ADAM9: variants seen among roughly 807,000 people sequenced by gnomAD.
The protein encoded by ADAM9 is disintegrin and metalloproteinase domain-containing protein 9.
In ADAM9, 54 loss-of-function variants were observed where a neutral mutation model predicts 108.1. The observed-to-expected ratio is 0.50, with a 90% CI of 0.40 to 0.63. ADAM9 has a LOEUF of 0.63. ADAM9 is among the 20% of genes least tolerant of loss of function. The pLI is 0.00. For synonymous variants in ADAM9, 316 were observed against 336.0 expected, an observed-to-expected ratio of 0.94 and a Z score of 0.65; for missense variants, 830 against 997.7, an observed-to-expected ratio of 0.83 and a Z score of 2.26.
intron 14 of ADAM9, among the ~76,000 whole-genome samples, chr8:39,058,412 C>A (rs1838194245): frequency 6.6e-6 from 1 of 152,194 alleles, no homozygotes. Context: ...GTGACCCAAA[C>A]TGTCGTTCTT....
intron 1 of ADAM9, among the ~76,000 whole-genome samples, chr8:39,002,922 C>A (rs1415504333): frequency 6.6e-6 from 1 of 151,976 alleles, no homozygotes; most frequent in Non-Finnish European, 1.5e-5. Context: ...ACTGCAACCT[C>A]CCCCTCCTGG....
rs892014529 is a variant in ADAM9 at position 39,008,554 on chromosome 8, G to C, written c.195+571G>C. Among the ~76,000 whole-genome samples, 4 of 152,130 alleles carry C rather than the reference G, an allele frequency of 2.6e-5. No individual in the cohort carries two copies. The East Asian group carries it at 7.7e-4, about 29-fold the overall frequency. ...ATAGTTAAACAAAATTGTATCACTA[G>C]GGTAGGCTGCTGATTATATACATTT... On this transcript the variant is annotated intron_variant, in intron 2 of 21. Coordinates refer to ENST00000487273, the MANE Select transcript of ADAM9 (RefSeq NM_003816.3).
At chr8:39,013,388 T>TC (rs945064536) in intron 3 of ADAM9, among the ~76,000 whole-genome samples, 1 of 151,822 alleles carries the variant, frequency 6.6e-6, no homozygotes, top group African/African-American at 2.4e-5. Context: ...CTTAAATTTT[T>TC]TGGAACTAGC....
At chr8:39,057,670 G>C (rs904524151) in intron 14 of ADAM9, among the ~76,000 whole-genome samples, 3 of 152,008 alleles carry the variant, frequency 2.0e-5, no homozygotes, top group African/African-American at 7.3e-5. Flanking sequence ...TCATTCCAAA[G>C]GCCTTCAGGA....
chr8:39,065,301 T>A (rs903231088), intron 14 of ADAM9, among the ~76,000 whole-genome samples: 3 of 151,978 alleles, frequency 2.0e-5, no homozygotes, highest in African/African-American at 7.3e-5. Flanking sequence ...GCACTATGAT[T>A]TTAGTTTTCA....
In ADAM9 at chr8:39,045,439, C is replaced by CGTGTGTACACACACCTATATGTGCGT. The variant is rs1420019383; in HGVS notation, c.1302+3353_1302+3378dup. Among the ~76,000 whole-genome samples, 29 of 34,334 alleles carry CGTGTGTACACACACCTATATGTGCGT rather than the reference C, an allele frequency of 8.4e-4. 3 individuals carry two copies. Among genetic ancestry groups the CGTGTGTACACACACCTATATGTGCGT allele is most frequent in the African/African-American group, 1.4e-3 (16 of 11,446 alleles). The allele number at this position is 34,334 out of a possible 152,430, so 22.5% of individuals were successfully genotyped here. ...GTGTGTACACACACCTATATGTGCG[C>CGTGTGTACACACACCTATATGTGCGT]GTGTGTACACACACCTATATGTGCG... On this transcript the variant is annotated intron_variant, in intron 12 of 21. Transcript: ENST00000487273.
intron 11 of ADAM9, among the ~76,000 whole-genome samples, chr8:39,040,272 C>T (rs1477803739): frequency 6.6e-6 from 1 of 152,130 alleles, no homozygotes; most frequent in Non-Finnish European, 1.5e-5. Context: ...TGGTCTGGAA[C>T]TCCTGACCTC....
At position 39,069,979 on chromosome 8, in the gene ADAM9, TAAA is replaced by T. The variant is rs869079193; in HGVS notation, c.1592-1297_1592-1295del. ...GCTGCATAGCAAGACCTTGTCTCAC[TAAA>T]AAAAAAAAAAAAAAAAAAAAATTAG... On this transcript the variant is annotated intron_variant, in intron 14 of 21. Coordinates refer to ENST00000487273, the MANE Select transcript of ADAM9 (RefSeq NM_003816.3). Among the ~76,000 whole-genome samples, 378 of 117,320 alleles carry T rather than the reference TAAA, an allele frequency of 3.2e-3. 1 individual carries two copies. Among genetic ancestry groups the T allele is most frequent in the Middle Eastern group, 4.1e-3 (1 of 246 alleles). 77.0% of individuals were successfully genotyped at this position (117,320 alleles called of 152,430 possible).
intron 20 of ADAM9, among the ~76,000 whole-genome samples, chr8:39,091,786 C>T (rs556924156): frequency 6.6e-6 from 1 of 152,276 alleles, no homozygotes; most frequent in African/African-American, 2.4e-5. Flanking sequence ...TGTGCCCTGC[C>T]CCCTGAGTTC....
At chr8:39,045,380 C>CACA (rs754410060) in intron 12 of ADAM9, among the ~76,000 whole-genome samples, 4,058 of 28,236 alleles carry the variant, frequency 0.14, 511 homozygotes, top group African/African-American at 0.25. Context: ...GTACATACAC[C>CACA]TATAGGTGTG....
chr8:39,101,837 T>C (rs752109405), intron 20 of ADAM9, 26 bp from the exon 21 acceptor site: 6 of 1,575,236 alleles, frequency 3.8e-6, no homozygotes, highest in Non-Finnish European at 4.4e-6. Context: ...ATAGTGGTAA[T>C]AACCTTATTT....
At chr8:39,065,349 A>G (rs1838426579) in intron 14 of ADAM9, among the ~76,000 whole-genome samples, 2 of 150,902 alleles carry the variant, frequency 1.3e-5, no homozygotes, top group Non-Finnish European at 3.0e-5. Context: ...TTTCCCACTT[A>G]TTTTTAAGAA....
intron 7 of ADAM9, among the ~76,000 whole-genome samples, chr8:39,019,677 A>G (rs1347451159): frequency 6.6e-6 from 1 of 152,228 alleles, no homozygotes; most frequent in Admixed American, 6.5e-5. Flanking sequence ...GTCAGTGTGA[A>G]AAAGTTATTT....
At chr8:39,033,043 G>T (rs1445667351) in intron 11 of ADAM9, among the ~76,000 whole-genome samples, 2 of 152,200 alleles carry the variant, frequency 1.3e-5, no homozygotes, top group African/African-American at 4.8e-5. Flanking sequence ...TATTGAGTCT[G>T]CCTGTATGTG....
chr8:39,070,270 A>G (rs917541976), intron 14 of ADAM9, among the ~76,000 whole-genome samples: 14 of 151,974 alleles, frequency 9.2e-5, no homozygotes, highest in African/African-American at 3.4e-4. Context: ...ATGATATACT[A>G]TAATTTATTT....
chr8:39,012,497 A>G (rs1006980772), intron 3 of ADAM9, among the ~76,000 whole-genome samples: 3 of 152,196 alleles, frequency 2.0e-5, no homozygotes, highest in African/African-American at 4.8e-5. Flanking sequence ...ACATGCACAC[A>G]TATGTTTATT....
Position 39,016,202 on chromosome 8 carries a change from AT to A in ADAM9, c.410+11del. ...CGACTGTTTTGGACTCAGGTAAGCA[AT>A]TTCCTTTATCTTCTTTTTTTTTGTT... On this transcript the variant is annotated intron_variant, in intron 5 of 21. Transcript: ENST00000487273. 6.2e-7 allele frequency: 1 copy of A among 1,609,270 alleles called. No homozygotes were observed. Among genetic ancestry groups the A allele is most frequent in the Non-Finnish European group, 8.5e-7 (1 of 1,175,824 alleles).
chr8:38,997,120 G>C lies in ADAM9; in HGVS notation c.57G>C (p.Leu19Phe), dbSNP rs1412006581. Residue 19 changes from leucine (L) to phenylalanine (F), a missense_variant, in exon 1 of 22, where the codon TTG becomes TTC. Transcript: ENST00000487273. ...CCCTTCGTGTCCGGTGGTTGCTGTT[G>C]CTTGGCCTGGTGGGCCCAGTCCTCG... ...SGTLRVRWLLLLGLVGPVLGA... is the reference protein window; with the variant it reads ...SGTLRVRWLLFLGLVGPVLGA... 6.2e-7 allele frequency: 1 copy of C among 1,604,686 alleles called. No individual in the cohort carries two copies. The highest frequency in any genetic ancestry group is 8.5e-7 in the Non-Finnish European group (1 of 1,179,528).
At chr8:39,017,502 G>T in intron 6 of ADAM9, 88 bp downstream of exon 6, 1 of 1,353,214 alleles carries the variant, frequency 7.4e-7, no homozygotes, top group Non-Finnish European at 1.0e-6. Flanking sequence ...TATGAGTAGT[G>T]TTTTTTTTTC....
Sources: gnomAD v4.1 joint callset for allele counts (sites outside exome capture counted in the v4.1 genomes callset) on GRCh38, gnomAD v4.1.1 for gene constraint, MANE v1.5 for transcripts, NCBI Gene and HGNC (gene_info 2026-07-23, HGNC 2026-07-21) for gene names.